Variants in GRID2 observed in about 807,000 individuals in gnomAD.
The protein encoded by GRID2 is glutamate ionotropic receptor delta type subunit 2, also known as glutamate receptor ionotropic, delta-2.
Under a neutral mutation model 114.8 loss-of-function variants are expected in GRID2, and 33 were observed. The ratio of observed to expected loss-of-function variants is 0.29; its 90% CI spans 0.22 to 0.38. The LOEUF (loss-of-function observed/expected upper bound fraction) is 0.38. Ranked by LOEUF, GRID2 falls within the 10% of genes least tolerant of loss-of-function variation. GRID2 has a pLI of 1.00. For missense variants in GRID2, 1,184 were observed against 1,257.7 expected (o/e 0.94, Z 0.89); for synonymous variants, 505 against 449.9 (o/e 1.12, Z -1.55).
chr4:93,227,393 A>G (rs1261789747), intron 7 of GRID2, among the ~76,000 whole-genome samples: 1 of 151,804 alleles, frequency 6.6e-6, no homozygotes, highest in African/African-American at 2.4e-5. Context: ...ACACCTGGCT[A>G]ATTTTTTGTA....
At chr4:92,753,405 T>C (rs1458260312) in intron 2 of GRID2, among the ~76,000 whole-genome samples, 1 of 152,062 alleles carries the variant, frequency 6.6e-6, no homozygotes, top group Non-Finnish European at 1.5e-5. Flanking sequence ...TAATAGAAAA[T>C]AGCTGGCTAG....
intron 1 of GRID2, among the ~76,000 whole-genome samples, chr4:92,311,547 T>C (rs974476957): frequency 2.0e-5 from 3 of 152,096 alleles, no homozygotes; most frequent in South Asian, 2.1e-4. Context: ...TAAATTATAT[T>C]ACAATAGCAA....
chr4:93,501,399 C>T (rs1315546129), intron 12 of GRID2, among the ~76,000 whole-genome samples: 1 of 151,978 alleles, frequency 6.6e-6, no homozygotes, highest in Non-Finnish European at 1.5e-5. Context: ...CTGGCTCATA[C>T]TGCCTTTCTG....
intron 15 of GRID2, 123 bp downstream of exon 15, chr4:93,769,573 A>T: frequency 1.2e-6 from 1 of 825,166 alleles, no homozygotes; most frequent in Admixed American, 2.6e-5. Context: ...CTTGAAGATT[A>T]AAAATAAAGT....
At chr4:92,471,958 G>T (rs1488556455) in intron 1 of GRID2, among the ~76,000 whole-genome samples, 2 of 52,608 alleles carry the variant, frequency 3.8e-5, no homozygotes, top group Non-Finnish European at 7.3e-5. Context: ...TTTTGAGACG[G>T]AGTCTCGCTC....
intron 2 of GRID2, among the ~76,000 whole-genome samples, chr4:92,663,548 G>T (rs1158055658): frequency 6.6e-6 from 1 of 151,000 alleles, no homozygotes; most frequent in Non-Finnish European, 1.5e-5. Context: ...CTAATATTGT[G>T]TCATTTTTTG....
At chr4:92,628,442 T>C (rs1277157273) in intron 2 of GRID2, among the ~76,000 whole-genome samples, 1 of 152,090 alleles carries the variant, frequency 6.6e-6, no homozygotes, top group Non-Finnish European at 1.5e-5. Flanking sequence ...CACTACAACC[T>C]CCACCTCCCA....
chr4:93,120,510 C>T (rs915966409), intron 4 of GRID2, among the ~76,000 whole-genome samples: 4 of 152,082 alleles, frequency 2.6e-5, no homozygotes, highest in Non-Finnish European at 4.4e-5. Flanking sequence ...AAACCAAATA[C>T]CCCATGTTCT....
chr4:93,346,699 A>G (rs1368713), intron 8 of GRID2, among the ~76,000 whole-genome samples: 13,142 of 152,132 alleles, frequency 0.086, 805 homozygotes, highest in African/African-American at 0.16. Flanking sequence ...GCCACATTCA[A>G]TGTTGCATTT....
At chr4:92,697,797 G>A (rs1734491363) in intron 2 of GRID2, among the ~76,000 whole-genome samples, 2 of 152,252 alleles carry the variant, frequency 1.3e-5, no homozygotes, top group South Asian at 4.1e-4. Context: ...TCAGAGACAG[G>A]TTGGGTTGAA....
At chr4:92,989,300 AAATAAT>A (rs1553962741) in intron 2 of GRID2, among the ~76,000 whole-genome samples, 2 of 92,280 alleles carry the variant, frequency 2.2e-5, no homozygotes, top group African/African-American at 4.4e-5. Flanking sequence ...AAAAAAAAAA[AAATAAT>A]AATAATAATC....
intron 2 of GRID2, among the ~76,000 whole-genome samples, chr4:93,016,791 C>G (rs1722789622): frequency 6.6e-6 from 1 of 152,124 alleles, no homozygotes; most frequent in African/African-American, 2.4e-5. Context: ...GATATCAAGT[C>G]AAGTGCATTA....
chr4:92,600,101 T>G (rs1729156486), intron 2 of GRID2, among the ~76,000 whole-genome samples: 1 of 139,626 alleles, frequency 7.2e-6, no homozygotes. Flanking sequence ...TCTCAGAATG[T>G]ATTTTAGGGG....
At chr4:92,850,597 A>C (rs572815676) in intron 2 of GRID2, among the ~76,000 whole-genome samples, 25 of 152,030 alleles carry the variant, frequency 1.6e-4, no homozygotes, top group Admixed American at 1.4e-3. Flanking sequence ...TTTCTTACCC[A>C]TATATTTTAG....
rs142374035 is a variant in GRID2 at position 93,369,804 on chromosome 4, A to G, written c.1246-25803A>G. On this transcript the variant is annotated intron_variant, in intron 8 of 15. Coordinates refer to ENST00000282020, the MANE Select transcript of GRID2 (RefSeq NM_001510.4). The stretch of plus-strand genomic sequence containing the variant: ...GTGCCAGGCTCAAAATTAGGTTTCT[A>G]TTGCTGCATTAATATATACACAGGG... Among the ~76,000 whole-genome samples, 14 of 152,252 alleles carry G rather than the reference A, an allele frequency of 9.2e-5. No individual in the cohort carries two copies. In the East Asian group the frequency reaches 9.7e-4, roughly 11 times the overall value.
chr4:93,617,408 T>C (rs1353829161), intron 13 of GRID2, among the ~76,000 whole-genome samples: 4 of 152,338 alleles, frequency 2.6e-5, no homozygotes, highest in Non-Finnish European at 4.4e-5. Flanking sequence ...CCCTGTCTTA[T>C]TCCAAACTAT....
chr4:92,372,342 T>C (rs1184096847), intron 1 of GRID2, among the ~76,000 whole-genome samples: 6 of 152,130 alleles, frequency 3.9e-5, no homozygotes, highest in Non-Finnish European at 8.8e-5. Flanking sequence ...GAAGTATCAA[T>C]TGATGTGGCA....
intron 8 of GRID2, among the ~76,000 whole-genome samples, chr4:93,329,961 T>C (rs981077891): frequency 1.3e-5 from 2 of 152,092 alleles, no homozygotes; most frequent in Non-Finnish European, 2.9e-5. Flanking sequence ...CTGAATAATC[T>C]GATTACATCT....
rs549222254 is a variant in GRID2 at position 93,148,651 on chromosome 4, G to A, written c.735+37698G>A. ...TATTAGTTTAAATATGTTTATTCAC[G>A]TAATAATAACATGTATAAATAGGCT... On this transcript the variant is annotated intron_variant, in intron 4 of 15. Coordinates refer to ENST00000282020, the MANE Select transcript of GRID2 (RefSeq NM_001510.4). Among the ~76,000 whole-genome samples the A allele has an allele frequency of 7.2e-5, 11 of 152,088 alleles. No homozygotes were observed. In the South Asian group the frequency reaches 1.5e-3, roughly 20 times the overall value.
Sources: allele counts gnomAD v4.1 joint callset (sites outside exome capture counted in the v4.1 genomes callset), GRCh38; gene constraint gnomAD v4.1.1; transcripts MANE v1.5; gene names NCBI Gene and HGNC (gene_info 2026-07-23, HGNC 2026-07-21).